Variants in ARHGEF10 observed in about 807,000 individuals in gnomAD.
ARHGEF10 encodes the protein Rho guanine nucleotide exchange factor (GEF) 10.
In ARHGEF10, 140 loss-of-function variants were observed where a neutral mutation model predicts 147.4. The ratio of observed to expected loss-of-function variants is 0.95; its 90% CI spans 0.83 to 1.09. ARHGEF10 has a LOEUF of 1.09. Ranked by LOEUF, ARHGEF10 falls within the 50% of genes least tolerant of loss-of-function variation. The probability of loss-of-function intolerance (pLI) is 0.00; values close to 1 mark genes in which losing one functional copy is unlikely to be tolerated. For synonymous variants in ARHGEF10, 902 were observed against 695.8 expected, an observed-to-expected ratio of 1.30 and a Z score of -4.67; for missense variants, 2,222 against 1,752.7, an observed-to-expected ratio of 1.27 and a Z score of -4.78.
intron 25 of ARHGEF10, among the ~76,000 whole-genome samples, chr8:1,932,879 C>T (rs542042252): frequency 2.1e-4 from 32 of 152,260 alleles, no homozygotes; most frequent in African/African-American, 7.2e-4. Context: ...AGGAAGTCGA[C>T]GGCATTGATG....
chr8:1,829,951 T>A (rs1802987879), intron 1 of ARHGEF10, among the ~76,000 whole-genome samples: 1 of 152,052 alleles, frequency 6.6e-6, no homozygotes, highest in South Asian at 2.1e-4. Flanking sequence ...CTGATGAAAA[T>A]ATCTGGGGAG....
intron 15 of ARHGEF10, among the ~76,000 whole-genome samples, chr8:1,902,057 G>A (rs910695070): frequency 6.6e-6 from 1 of 151,844 alleles, no homozygotes; most frequent in East Asian, 1.9e-4. Flanking sequence ...AGGTATACCT[G>A]TGCCATGGTG....
chr8:1,889,774 C>CAT (rs1809271366), intron 11 of ARHGEF10, among the ~76,000 whole-genome samples: 1 of 133,106 alleles, frequency 7.5e-6, no homozygotes, highest in African/African-American at 3.2e-5. Context: ...TGAGGAGACA[C>CAT]TGAGTGGGGT....
At chr8:1,880,545 G>T (rs1016320639) in intron 9 of ARHGEF10, among the ~76,000 whole-genome samples, 10 of 152,196 alleles carry the variant, frequency 6.6e-5, no homozygotes, top group African/African-American at 2.4e-4. Flanking sequence ...TTTTTTAAAT[G>T]AACATTTATA....
chr8:1,936,488 C>G (rs1813617518), intron 26 of ARHGEF10, among the ~76,000 whole-genome samples: 1 of 152,078 alleles, frequency 6.6e-6, no homozygotes, highest in Admixed American at 6.5e-5. Context: ...CCAGCCTGGG[C>G]AACAGAGTAA....
chr8:1,848,633 T>C (rs1209909545), intron 2 of ARHGEF10, among the ~76,000 whole-genome samples: 1 of 152,152 alleles, frequency 6.6e-6, no homozygotes, highest in Non-Finnish European at 1.5e-5. Flanking sequence ...TAATCTAAAT[T>C]GGGTAATTAA....
chr8:1,853,664 G>A (rs1053387425), intron 2 of ARHGEF10, among the ~76,000 whole-genome samples: 1 of 152,216 alleles, frequency 6.6e-6, no homozygotes, highest in East Asian at 1.9e-4. Context: ...AGGACCTTTT[G>A]TGTTGGAAAG....
At chr8:1,930,228 C>T (rs757583633) in intron 25 of ARHGEF10, among the ~76,000 whole-genome samples, 5 of 152,074 alleles carry the variant, frequency 3.3e-5, no homozygotes, top group African/African-American at 7.2e-5. Flanking sequence ...CTTCCCTCAC[C>T]GAAAGTTGCC....
chr8:1,934,026 T>C lies in ARHGEF10; in HGVS notation c.3222+84T>C, dbSNP rs909296020. On this transcript the variant is annotated intron_variant, in intron 26 of 28. Coordinates refer to ENST00000349830, the MANE Select transcript of ARHGEF10 (RefSeq NM_014629.4). ...TGACTTCTGGTGCCGAAGTCAAGGC[T>C]TCTTGCCTGTGGCTAAATTTCCTTC... is the stretch of plus-strand genomic sequence containing the variant. 5 of 1,580,994 alleles carry C rather than the reference T, an allele frequency of 3.2e-6. No individual in the cohort carries two copies. In the African/African-American group the frequency reaches 6.7e-5, roughly 21 times the overall value.
rs191971751 is a variant in ARHGEF10 at position 1,917,952 on chromosome 8, T to C, written c.2144-5012T>C. Among the ~76,000 whole-genome samples the C allele has an allele frequency of 2.0e-3, 299 of 151,878 alleles. 1 individual carries two copies. The highest frequency in any genetic ancestry group is 7.0e-3 in the African/African-American group (290 of 41,432). On this transcript the variant is annotated intron_variant, in intron 18 of 28. Coordinates refer to ENST00000349830, the MANE Select transcript of ARHGEF10 (RefSeq NM_014629.4). The stretch of plus-strand genomic sequence containing the variant: ...TACCACCATGCCTGGCTAATTTTTT[T>C]TTTTTTTGTATTTTTAGTAGGGATG...
chr8:1,929,411 A>G lies in ARHGEF10; in HGVS notation c.3047A>G (p.Asn1016Ser). ...TSQSLYAGLV[N>S]GAVASYARAP... is the part of the protein sequence containing the mutation. ...CAGAGCCTGTACGCTGGCCTGGTCA[A>G]CGGGGCAGTCGCCAGCTACGCCAGA... is the stretch of plus-strand genomic sequence containing the variant. Residue 1016 changes from asparagine (N) to serine (S), a missense_variant, in exon 25 of 29, where the codon AAC becomes AGC. By Grantham distance (46) the Asn-to-Ser change is conservative. Transcript: ENST00000349830. The G allele has an allele frequency of 6.2e-7, 1 of 1,611,668 alleles. No homozygotes were observed. The highest frequency in any genetic ancestry group is 2.2e-5 in the East Asian group (1 of 44,852).
In ARHGEF10 at chr8:1,948,207, G is replaced by T. The variant is rs372264156; in HGVS notation, c.3397+2552G>T. On this transcript the variant is annotated intron_variant, in intron 27 of 28. Coordinates refer to ENST00000349830, the MANE Select transcript of ARHGEF10 (RefSeq NM_014629.4). The surrounding 1 kb of genome is among the most constrained non-coding windows in gnomAD (Gnocchi z 4.9). ...ACCATCCCCTGGCGCCCACTCTCCC[G>T]GGCCCCTCCAACATCCTGGGCTGGC... Among the ~76,000 whole-genome samples, 1 of 152,068 alleles carries T rather than the reference G, an allele frequency of 6.6e-6. No individual in the cohort carries two copies. The highest frequency in any genetic ancestry group is 1.5e-5 in the Non-Finnish European group (1 of 68,014).
rs76177837 is a variant in ARHGEF10 at position 1,830,911 on chromosome 8, G to A, written c.-48+6798G>A. Among the ~76,000 whole-genome samples the A allele has an allele frequency of 2.2e-3, 336 of 152,354 alleles. 3 individuals are homozygous for A. Among genetic ancestry groups the A allele is most frequent in the African/African-American group, 7.2e-3 (299 of 41,590 alleles). The stretch of plus-strand genomic sequence containing the variant: ...GAGCCGAGAGATGAGCTGAGCCCAC[G>A]TCCACAGAAGCCCATTCCCAGTGGG... On this transcript the variant is annotated intron_variant, in intron 1 of 28. Transcript: ENST00000349830.
At chr8:1,859,816 C>T (rs1015700100) in intron 3 of ARHGEF10, 81 bp from the exon 4 acceptor site, 2 of 1,543,488 alleles carry the variant, frequency 1.3e-6, no homozygotes, top group African/African-American at 1.4e-5. Context: ...CTCATACCTG[C>T]TTCCCACTTG....
intron 1 of ARHGEF10, among the ~76,000 whole-genome samples, chr8:1,842,195 G>T (rs1459482844): frequency 6.6e-6 from 1 of 151,870 alleles, no homozygotes; most frequent in Non-Finnish European, 1.5e-5. Flanking sequence ...TCAGGGCTGG[G>T]AATACAGGAA....
chr8:1,830,932 G>A (rs1313431098), intron 1 of ARHGEF10, among the ~76,000 whole-genome samples: 1 of 152,250 alleles, frequency 6.6e-6, no homozygotes, highest in African/African-American at 2.4e-5. Flanking sequence ...CCCATTCCCA[G>A]TGGGAGGAAC....
intron 3 of ARHGEF10, chr8:1,858,743 C>T (rs942792029): frequency 2.8e-5 from 4 of 144,094 alleles, no homozygotes; most frequent in South Asian, 2.1e-4. Context: ...TCAGCTCGCA[C>T]GGTGTTTCTT....
chr8:1,902,748 T>C (rs1810570587), intron 15 of ARHGEF10, among the ~76,000 whole-genome samples: 1 of 152,168 alleles, frequency 6.6e-6, no homozygotes, highest in Admixed American at 6.5e-5. Context: ...TTTAGTGACA[T>C]GGACCCACCA....
intron 27 of ARHGEF10, 28 bp downstream of exon 27, chr8:1,945,683 T>C: frequency 6.2e-7 from 1 of 1,613,638 alleles, no homozygotes; most frequent in Non-Finnish European, 8.5e-7. Flanking sequence ...GGCCCAGGGA[T>C]GGGACAGCAA....
Sources: gnomAD v4.1 joint callset for allele counts (sites outside exome capture counted in the v4.1 genomes callset) on GRCh38, gnomAD v4.1.1 for gene constraint, Gnocchi (gnomAD v3.1) non-coding constraint, MANE v1.5 for transcripts, NCBI Gene and HGNC (gene_info 2026-07-23, HGNC 2026-07-21) for gene names.